The following MARCHF1 variants were observed in gnomAD, a reference collection of about 807,000 sequenced individuals.
MARCHF1 encodes membrane associated ring-CH-type finger 1.
A neutral mutation model predicts 54.2 loss-of-function variants in MARCHF1; 40 were observed. That is an observed-to-expected ratio of 0.74 (90% CI 0.57 to 0.96). The LOEUF is 0.96. Among genes scored for constraint, MARCHF1 ranks in the 40% least tolerant of loss-of-function variants. The probability of loss-of-function intolerance (pLI) is 0.00; values close to 1 mark genes in which losing one functional copy is unlikely to be tolerated. For synonymous variants in MARCHF1, 236 were observed against 236.3 expected (o/e 1.00, Z 0.01); for missense variants, 586 against 656.5 (o/e 0.89, Z 1.17).
intron 4 of MARCHF1, among the ~76,000 whole-genome samples, chr4:163,725,987 CA>C (rs1745640312): frequency 8.6e-6 from 1 of 116,198 alleles, no homozygotes; most frequent in Non-Finnish European, 1.9e-5. Flanking sequence ...TTACCTTTAC[CA>C]TTTTTTTCTT....
chr4:163,934,918 C>G (rs1751761529), intron 3 of MARCHF1, among the ~76,000 whole-genome samples: 2 of 152,126 alleles, frequency 1.3e-5, no homozygotes, highest in Admixed American at 1.3e-4. Context: ...TGAATCCTTT[C>G]CAGAGGTTTT....
At chr4:164,365,547 T>C (rs894383641) in intron 1 of MARCHF1, among the ~76,000 whole-genome samples, 1 of 152,062 alleles carries the variant, frequency 6.6e-6, no homozygotes, top group African/African-American at 2.4e-5. Context: ...AAATGATAAT[T>C]ATAATAAGAG....
intron 2 of MARCHF1, among the ~76,000 whole-genome samples, chr4:164,022,075 T>C (rs1753678594): frequency 6.6e-6 from 1 of 152,136 alleles, no homozygotes; most frequent in Non-Finnish European, 1.5e-5. Flanking sequence ...TTATATATTT[T>C]ACTTTTACAT....
intron 4 of MARCHF1, among the ~76,000 whole-genome samples, chr4:163,758,270 T>C (rs567758645): frequency 6.6e-6 from 1 of 152,212 alleles, no homozygotes; most frequent in Admixed American, 6.5e-5. Flanking sequence ...AAAGTTACAT[T>C]CAGACAAGAC....
intron 5 of MARCHF1, among the ~76,000 whole-genome samples, chr4:163,676,185 C>CAAAA (rs869219643): frequency 4.5e-5 from 4 of 89,268 alleles, no homozygotes; most frequent in African/African-American, 4.6e-5. Flanking sequence ...ACTAAAAATA[C>CAAAA]AAAAAAAAAA....
chr4:164,156,304 T>TATAGTCCCA (rs1485312020), intron 1 of MARCHF1, among the ~76,000 whole-genome samples: 46 of 152,228 alleles, frequency 3.0e-4, no homozygotes, highest in African/African-American at 1.0e-3. Flanking sequence ...ATGTCTAGTA[T>TATAGTCCCA]ATAGTCCCAA....
chr4:164,313,878 C>T (rs1360642333), intron 1 of MARCHF1, among the ~76,000 whole-genome samples: 1 of 152,168 alleles, frequency 6.6e-6, no homozygotes, highest in African/African-American at 2.4e-5. Flanking sequence ...GTTCTCAAAT[C>T]CATGACTTCT....
chr4:164,328,823 C>T (rs931806050), intron 1 of MARCHF1, among the ~76,000 whole-genome samples: 4 of 152,162 alleles, frequency 2.6e-5, no homozygotes, highest in Admixed American at 2.6e-4. Flanking sequence ...AGCCACCACA[C>T]CCGGCCACAT....
intron 3 of MARCHF1, among the ~76,000 whole-genome samples, chr4:163,880,470 T>C (rs1004244796): frequency 1.5e-4 from 22 of 151,162 alleles, no homozygotes; most frequent in Admixed American, 1.4e-3. Context: ...AGTCTTATGA[T>C]AATAGATTTC....
At chr4:163,622,287 A>G (rs1741717689) in intron 5 of MARCHF1, among the ~76,000 whole-genome samples, 1 of 152,118 alleles carries the variant, frequency 6.6e-6, no homozygotes, top group Non-Finnish European at 1.5e-5. Flanking sequence ...TCCACCAGCC[A>G]GGAGCACTGT....
chr4:164,373,491 A>C (rs1731098498), intron 1 of MARCHF1, among the ~76,000 whole-genome samples: 1 of 150,136 alleles, frequency 6.7e-6, no homozygotes, highest in Non-Finnish European at 1.5e-5. Context: ...AGTAGCTAGG[A>C]TTACAGGTGT....
intron 1 of MARCHF1, among the ~76,000 whole-genome samples, chr4:164,231,032 A>T (rs1732401065): frequency 6.6e-6 from 1 of 152,256 alleles, no homozygotes; most frequent in East Asian, 1.9e-4. Flanking sequence ...AACTAGCAGG[A>T]TCCTCTCTTA....
intron 3 of MARCHF1, among the ~76,000 whole-genome samples, chr4:163,962,290 T>C (rs1752358210): frequency 6.6e-6 from 1 of 151,860 alleles, no homozygotes; most frequent in African/African-American, 2.4e-5. Context: ...CAGAAACAAA[T>C]ATTTATTGGA....
At chr4:163,681,439 G>A (rs1744099861) in intron 5 of MARCHF1, among the ~76,000 whole-genome samples, 1 of 152,128 alleles carries the variant, frequency 6.6e-6, no homozygotes, top group Non-Finnish European at 1.5e-5. Context: ...GGCTGATATA[G>A]TTTGGTTATG....
At position 163,847,261 on chromosome 4, in the gene MARCHF1, C is replaced by CATCT. The variant is rs200135345; in HGVS notation, c.111+6756_111+6759dup. ...AAGTTTGAAACTTTAACTTTTAATA[C>CATCT]ATCTACTCTACTTTGAAAACAAAAG... On this transcript the variant is annotated intron_variant, in intron 4 of 9. Transcript: ENST00000514618. Among the ~76,000 whole-genome samples the CATCT allele has an allele frequency of 7.2e-3, 1,091 of 152,210 alleles. 11 individuals are homozygous for CATCT. Among genetic ancestry groups the CATCT allele is most frequent in the African/African-American group, 0.025 (1,045 of 41,536 alleles).
At chr4:163,551,404 G>A (rs1014204228) in intron 8 of MARCHF1, among the ~76,000 whole-genome samples, 2 of 152,116 alleles carry the variant, frequency 1.3e-5, no homozygotes, top group Non-Finnish European at 2.9e-5. Context: ...GTATGCCTAT[G>A]GTAAATAATT....
intron 5 of MARCHF1, among the ~76,000 whole-genome samples, chr4:163,678,426 G>A (rs923354343): frequency 1.3e-5 from 2 of 152,122 alleles, no homozygotes; most frequent in Non-Finnish European, 2.9e-5. Flanking sequence ...AGACTAAATT[G>A]AAAATGCATT....
intron 5 of MARCHF1, among the ~76,000 whole-genome samples, chr4:163,684,845 C>T (rs1463526069): frequency 1.3e-5 from 2 of 152,182 alleles, no homozygotes; most frequent in African/African-American, 4.8e-5. Context: ...TATCCAACAT[C>T]CACATTTCTG....
intron 8 of MARCHF1, among the ~76,000 whole-genome samples, chr4:163,567,612 T>C (rs1739687005): frequency 6.6e-6 from 1 of 152,178 alleles, no homozygotes; most frequent in Non-Finnish European, 1.5e-5. Context: ...TGAGACCTAA[T>C]GGTTTTATAA....
Sources: allele counts gnomAD v4.1 joint callset (sites outside exome capture counted in the v4.1 genomes callset), GRCh38; gene constraint gnomAD v4.1.1; transcripts MANE v1.5; gene names NCBI Gene and HGNC (gene_info 2026-07-23, HGNC 2026-07-21).